Variants in ABI3BP observed in about 807,000 individuals in gnomAD.
The protein encoded by ABI3BP is target of Nesh-SH3.
Under a neutral mutation model 268.6 loss-of-function variants are expected in ABI3BP, and 216 were observed. The observed-to-expected ratio is 0.80, with a 90% CI of 0.72 to 0.90. The LOEUF (loss-of-function observed/expected upper bound fraction) is 0.90, where lower values mean the gene tolerates loss of function less well. Ranked by LOEUF, ABI3BP falls within the 40% of genes least tolerant of loss-of-function variation. The pLI, the probability that ABI3BP is intolerant of heterozygous loss-of-function variation, is 0.00. For synonymous variants in ABI3BP, 730 were observed against 730.0 expected (o/e 1.00, Z 0.00); for missense variants, 2,090 against 2,182.4 (o/e 0.96, Z 0.84).
intron 55 of ABI3BP, among the ~76,000 whole-genome samples, chr3:100,791,197 G>A (rs563977365): frequency 6.6e-6 from 1 of 151,884 alleles, no homozygotes; most frequent in East Asian, 1.9e-4. Context: ...AATAACAGGT[G>A]AAATTTATAT....
At chr3:100,867,013 C>G (rs889524711) in intron 9 of ABI3BP, 57 bp from the exon 10 acceptor site, 3 of 1,314,230 alleles carry the variant, frequency 2.3e-6, no homozygotes, top group Non-Finnish European at 3.3e-6. Flanking sequence ...AAATACCTCC[C>G]TCAATGCATA....
At chr3:100,989,555 C>T (rs2092581352) in intron 1 of ABI3BP, among the ~76,000 whole-genome samples, 1 of 152,170 alleles carries the variant, frequency 6.6e-6, no homozygotes, top group South Asian at 2.1e-4. Flanking sequence ...CTGCCATATC[C>T]CAAGAGTCAC....
rs531841795 is a variant in ABI3BP at position 100,859,803 on chromosome 3, T to C, written c.1285+2508A>G. On this transcript the variant is annotated intron_variant, in intron 14 of 67. Coordinates refer to ENST00000471714, the MANE Select transcript of ABI3BP (RefSeq NM_001375547.2). ...CTTTGAAAAATCAAGCTTGTATTGA[T>C]TTGAGGCCTATGGTGCTATAACCAA... Among the ~76,000 whole-genome samples the C allele has an allele frequency of 2.0e-4, 31 of 152,304 alleles. No individual in the cohort carries two copies. The South Asian group carries it at 6.0e-3, about 30-fold the overall frequency.
chr3:100,840,693 A>C (rs2098681858), intron 22 of ABI3BP, 127 bp downstream of exon 22: 2 of 767,552 alleles, frequency 2.6e-6, no homozygotes, highest in Non-Finnish European at 3.9e-6. Flanking sequence ...TTTTCTGAAG[A>C]ACAGAGCACT....
intron 1 of ABI3BP, among the ~76,000 whole-genome samples, chr3:100,988,558 C>T (rs2092381285): frequency 6.6e-6 from 1 of 152,114 alleles, no homozygotes; most frequent in Non-Finnish European, 1.5e-5. Flanking sequence ...TACTCAAGAC[C>T]TCTATTTGGG....
At chr3:100,932,158 A>G (rs1191642430) in intron 1 of ABI3BP, among the ~76,000 whole-genome samples, 1 of 152,098 alleles carries the variant, frequency 6.6e-6, no homozygotes, top group African/African-American at 2.4e-5. Context: ...CCATATGCAG[A>G]AGATTGAAGC....
At chr3:100,763,463 C>CAAAAAAAAAAA (rs1418781949) in intron 63 of ABI3BP, among the ~76,000 whole-genome samples, 1 of 109,322 alleles carries the variant, frequency 9.1e-6, no homozygotes, top group African/African-American at 3.4e-5. Context: ...GACTCTGTCT[C>CAAAAAAAAAAA]AAAAAAAAAA....
intron 20 of ABI3BP, among the ~76,000 whole-genome samples, chr3:100,845,222 T>C (rs1188628117): frequency 6.6e-6 from 1 of 152,208 alleles, no homozygotes; most frequent in Non-Finnish European, 1.5e-5. Context: ...CCTTCTCTCA[T>C]ACAGCTGTCA....
At chr3:100,816,485 A>G in intron 43 of ABI3BP, 1 of 648,274 alleles carries the variant, frequency 1.5e-6, no homozygotes, top group Non-Finnish European at 2.8e-6. Context: ...CATTTAGGAG[A>G]TCAGGCACAC....
In ABI3BP at chr3:100,822,460, G is replaced by A. The variant is rs1024475508; in HGVS notation, c.2887+129C>T. 1.9e-5 allele frequency: 14 copies of A among 719,080 alleles called. No individual in the cohort carries two copies. The Admixed American group carries it at 3.2e-4, about 16-fold the overall frequency. 44.5% of individuals were successfully genotyped at this position (719,080 alleles called of 1,614,324 possible). ...CTCTTACATCTTCACAGTGGGATCT[G>A]CTGCTAACCATGAGTTGTAGCTTCC... is the stretch of plus-strand genomic sequence containing the variant. On this transcript the variant is annotated intron_variant, in intron 38 of 67. Coordinates refer to ENST00000471714, the MANE Select transcript of ABI3BP (RefSeq NM_001375547.2).
At chr3:100,912,715 C>T (rs1017598976) in intron 2 of ABI3BP, among the ~76,000 whole-genome samples, 1 of 152,196 alleles carries the variant, frequency 6.6e-6, no homozygotes, top group African/African-American at 2.4e-5. Context: ...GCTCCTGTAC[C>T]GCATTTCATC....
intron 1 of ABI3BP, among the ~76,000 whole-genome samples, chr3:100,940,423 T>C (rs1207499856): frequency 6.6e-6 from 1 of 151,998 alleles, no homozygotes; most frequent in African/African-American, 2.4e-5. Flanking sequence ...CCGTTTGGGA[T>C]CCCTGACTTC....
intron 1 of ABI3BP, among the ~76,000 whole-genome samples, chr3:100,944,035 G>T (rs1234212394): frequency 6.6e-6 from 1 of 151,990 alleles, no homozygotes; most frequent in Non-Finnish European, 1.5e-5. Context: ...ACCATATAAT[G>T]ACTTCATCTT....
At chr3:100,776,616 T>A (rs1024577635) in intron 59 of ABI3BP, among the ~76,000 whole-genome samples, 1 of 152,188 alleles carries the variant, frequency 6.6e-6, no homozygotes, top group African/African-American at 2.4e-5. Flanking sequence ...CTTTCTGTGA[T>A]GCTAATCAGG....
At chr3:100,900,189 C>T (rs574623052) in intron 3 of ABI3BP, among the ~76,000 whole-genome samples, 1 of 152,290 alleles carries the variant, frequency 6.6e-6, no homozygotes, top group African/African-American at 2.4e-5. Context: ...TCTGCAGACC[C>T]AGCTGTAATT....
chr3:100,811,502 C>T (rs764251), intron 47 of ABI3BP, among the ~76,000 whole-genome samples: 21,204 of 151,996 alleles, frequency 0.14, 1,924 homozygotes, highest in South Asian at 0.27. Flanking sequence ...AATGTTATTA[C>T]GCCTCAACCT....
intron 1 of ABI3BP, among the ~76,000 whole-genome samples, chr3:100,958,371 G>C (rs9822089): frequency 9.9e-5 from 15 of 152,118 alleles, no homozygotes; most frequent in Admixed American, 2.6e-4. Context: ...TCATTAGAGC[G>C]AGTGTACTTT....
In ABI3BP at chr3:100,752,956, A is replaced by G; in HGVS notation, c.4961-8T>C. On this transcript the variant is annotated splice_region_variant and splice_polypyrimidine_tract_variant and intron_variant, in intron 65 of 67. Coordinates refer to ENST00000471714, the MANE Select transcript of ABI3BP (RefSeq NM_001375547.2). Reference sequence around the variant, plus strand: ...AGATGGCATCTCTTCCTGCTACAAAAGGAAAATAGTTTGAGTTTAGTATCT... The same window carrying G: ...AGATGGCATCTCTTCCTGCTACAAAGGGAAAATAGTTTGAGTTTAGTATCT... 1 of 1,606,632 alleles carries G rather than the reference A, an allele frequency of 6.2e-7. No individual in the cohort carries two copies. The highest frequency in any genetic ancestry group is 8.5e-7 in the Non-Finnish European group (1 of 1,176,800).
intron 52 of ABI3BP, 124 bp downstream of exon 52, chr3:100,796,283 ATT>A: frequency 1.4e-6 from 1 of 712,744 alleles, no homozygotes; most frequent in East Asian, 2.9e-5. Context: ...AGAAATATGC[ATT>A]TTATACCCAT....
Sources: gnomAD v4.1 joint callset for allele counts (sites outside exome capture counted in the v4.1 genomes callset) on GRCh38, gnomAD v4.1.1 for gene constraint, MANE v1.5 for transcripts, NCBI Gene and HGNC (gene_info 2026-07-23, HGNC 2026-07-21) for gene names.